The following CDK5 variants were observed in gnomAD, a reference collection of about 807,000 sequenced individuals.
CDK5 encodes cyclin dependent kinase 5.
A neutral mutation model predicts 44.6 loss-of-function variants in CDK5; 18 were observed. That is an observed-to-expected ratio of 0.40 (90% CI 0.28 to 0.60). CDK5 has a LOEUF of 0.60. Among genes scored for constraint, CDK5 ranks in the 20% least tolerant of loss-of-function variants. The pLI is 0.38. For synonymous variants in CDK5, 143 were observed against 152.8 expected, an observed-to-expected ratio of 0.94 and a Z score of 0.47; for missense variants, 198 against 368.1, an observed-to-expected ratio of 0.54 and a Z score of 3.78.
rs776043437 is a variant in CDK5 at position 151,056,890 on chromosome 7, C to T, written c.194+18G>A. On this transcript the variant is annotated intron_variant, in intron 3 of 11. Transcript: ENST00000485972. The surrounding 1 kb of genome is among the most constrained non-coding windows in gnomAD (Gnocchi z 4.7). ...CCCAAGCGGCCACACCGGCAAGGAG[C>T]ACCCGCCTCCCGCACACCTGACGAT... 1.4e-5 allele frequency: 22 copies of T among 1,600,220 alleles called. No homozygotes were observed. The highest frequency in any genetic ancestry group is 1.9e-5 in the Non-Finnish European group (22 of 1,173,734).
chr7:151,057,315 CA>C lies in CDK5; in HGVS notation c.38-156del. On this transcript the variant is annotated intron_variant, in intron 1 of 11. Coordinates refer to ENST00000485972, the MANE Select transcript of CDK5 (RefSeq NM_004935.4). The surrounding 1 kb of genome is among the most constrained non-coding windows in gnomAD (Gnocchi z 5.2). ...GTGAGCTTTGTGAGTGAGGATGTGGCAGGTGGGGAGGGAGGAGAAGGTGCCC... is the reference window on the plus strand; with the variant it reads ...GTGAGCTTTGTGAGTGAGGATGTGGCGGTGGGGAGGGAGGAGAAGGTGCCC... 1 of 704,398 alleles carries C rather than the reference CA, an allele frequency of 1.4e-6. No individual in the cohort carries two copies. The highest frequency in any genetic ancestry group is 2.0e-5 in the Admixed American group (1 of 49,474). The allele number at this position is 704,398 out of a possible 1,614,324, so 43.6% of individuals were successfully genotyped here.
chr7:151,053,937 C>G lies in CDK5; in HGVS notation c.*72G>C. The G allele has an allele frequency of 7.4e-7, 1 of 1,351,458 alleles. No homozygotes were observed. Among genetic ancestry groups the G allele is most frequent in the Non-Finnish European group, 1.0e-6 (1 of 977,022 alleles). The allele number at this position is 1,351,458 out of a possible 1,614,324, so 83.7% of individuals were successfully genotyped here. On this transcript the variant is annotated 3_prime_UTR_variant, in exon 12 of 12. Coordinates refer to ENST00000485972, the MANE Select transcript of CDK5 (RefSeq NM_004935.4). ...TGGAGCACAGCGCACCAGGCACCCC[C>G]ACTGTCTCACCCCTCTCAAGAGGGG...
Position 151,057,246 on chromosome 7 carries a change from C to T in CDK5, c.38-86G>A. On this transcript the variant is annotated intron_variant, in intron 1 of 11. Coordinates refer to ENST00000485972, the MANE Select transcript of CDK5 (RefSeq NM_004935.4). This position sits in a 1 kb window ranked among gnomAD's most constrained non-coding sequence, Gnocchi z 5.2. ...TGCCTCCTGAGAGAGGTGAAGGCAG[C>T]GTCTCAGTATGCAAGGGAAGGGATT... 2 of 1,012,488 alleles carry T rather than the reference C, an allele frequency of 2.0e-6. No homozygotes were observed. Among genetic ancestry groups the T allele is most frequent in the Non-Finnish European group, 3.2e-6 (2 of 631,946 alleles). 62.7% of individuals were successfully genotyped at this position (1,012,488 alleles called of 1,614,324 possible).
At chr7:151,055,454 G>A (rs1796876581) in intron 7 of CDK5, 78 bp downstream of exon 7, 5 of 1,562,436 alleles carry the variant, frequency 3.2e-6, no homozygotes, top group African/African-American at 2.7e-5. Context: ...AGAGAGGAGA[G>A]GAAAATAATG....
chr7:151,054,054 T>C lies in CDK5; in HGVS notation c.834A>G (p.Glu278=). ...KCNPVQRISA[E]EALQHPYFSD... ...AGAAGTAGGGGTGCTGCAGGGCCTC[T>C]TCTGCTGAGATACGCTGGACAGGGT... The change falls in exon 12 of 12, where the codon GAA becomes GAG. Residue 278 remains glutamate (E), a synonymous_variant. Coordinates refer to ENST00000485972, the MANE Select transcript of CDK5 (RefSeq NM_004935.4). This position sits in a 1 kb window ranked among gnomAD's most constrained non-coding sequence, Gnocchi z 5.7. The C allele has an allele frequency of 6.2e-7, 1 of 1,602,674 alleles. No homozygotes were observed. Among genetic ancestry groups the C allele is most frequent in the Non-Finnish European group, 8.5e-7 (1 of 1,174,798 alleles).
Position 151,057,779 on chromosome 7 carries a change from A to T in CDK5, c.37+33T>A, listed in dbSNP as rs1584975802. On this transcript the variant is annotated intron_variant, in intron 1 of 11. Transcript: ENST00000485972. This position sits in a 1 kb window ranked among gnomAD's most constrained non-coding sequence, Gnocchi z 5.2. ...AGGAATGCCGAAGGATCTGCAGAGGAGCTCTTGCAGGAACATCTCGAGATT... is the reference window on the plus strand; with the variant it reads ...AGGAATGCCGAAGGATCTGCAGAGGTGCTCTTGCAGGAACATCTCGAGATT... 1 of 1,599,944 alleles carries T rather than the reference A, an allele frequency of 6.3e-7. No individual in the cohort carries two copies. Among genetic ancestry groups the T allele is most frequent in the East Asian group, 2.2e-5 (1 of 44,578 alleles).
Position 151,054,637 on chromosome 7 carries a change from C to T in CDK5, c.651-172G>A, listed in dbSNP as rs2069458. 5.0e-3 allele frequency among the ~76,000 whole-genome samples: 765 copies of T among 152,280 alleles called. 8 individuals are homozygous for T. The highest frequency in any genetic ancestry group is 0.017 in the African/African-American group (723 of 41,542). ...CAGAAGCAGCCCCAGGCAGGTCACTCGCATATCCAGCCACGTTTCCCATGA... is the reference window on the plus strand; with the variant it reads ...CAGAAGCAGCCCCAGGCAGGTCACTTGCATATCCAGCCACGTTTCCCATGA... On this transcript the variant is annotated intron_variant, in intron 9 of 11. Coordinates refer to ENST00000485972, the MANE Select transcript of CDK5 (RefSeq NM_004935.4). The surrounding 1 kb of genome is among the most constrained non-coding windows in gnomAD (Gnocchi z 5.7).
At position 151,057,030 on chromosome 7, in the gene CDK5, C is replaced by G. The variant is rs1029653154; in HGVS notation, c.126+42G>C. The G allele has an allele frequency of 6.2e-7, 1 of 1,613,524 alleles. No homozygotes were observed. The highest frequency in any genetic ancestry group is 8.5e-7 in the Non-Finnish European group (1 of 1,179,456). ...AGTCAGATCCCACCCAGCCCAGGCCCTCAAACCCCTCCCCAGGCCGTATCC... is the reference window on the plus strand; with the variant it reads ...AGTCAGATCCCACCCAGCCCAGGCCGTCAAACCCCTCCCCAGGCCGTATCC... On this transcript the variant is annotated intron_variant, in intron 2 of 11. Transcript: ENST00000485972. This position sits in a 1 kb window ranked among gnomAD's most constrained non-coding sequence, Gnocchi z 5.2.
Position 151,056,826 on chromosome 7 carries a change from G to A in CDK5, c.195-30C>T. 1 of 1,603,426 alleles carries A rather than the reference G, an allele frequency of 6.2e-7. No individual in the cohort carries two copies. Among genetic ancestry groups the A allele is most frequent in the South Asian group, 1.1e-5 (1 of 89,668 alleles). On this transcript the variant is annotated intron_variant, in intron 3 of 11. Coordinates refer to ENST00000485972, the MANE Select transcript of CDK5 (RefSeq NM_004935.4). This position sits in a 1 kb window ranked among gnomAD's most constrained non-coding sequence, Gnocchi z 4.7. ...GGCAAAAGAAGGGCTCAGCCAGGCAGGTCCGCCTGACAGACGTCCAGTGTC... is the reference window on the plus strand; with the variant it reads ...GGCAAAAGAAGGGCTCAGCCAGGCAAGTCCGCCTGACAGACGTCCAGTGTC...
Position 151,056,761 on chromosome 7 carries a change from G to T in CDK5, c.230C>A (p.Thr77Asn), listed in dbSNP as rs777007468. Residue 77 changes from threonine to asparagine, a missense_variant, in exon 4 of 12, where the codon ACT becomes AAT. By Grantham distance (65) the Thr-to-Asn change is moderately conservative. Coordinates refer to ENST00000485972, the MANE Select transcript of CDK5 (RefSeq NM_004935.4). This position sits in a 1 kb window ranked among gnomAD's most constrained non-coding sequence, Gnocchi z 4.7. The stretch of plus-strand genomic sequence containing the variant: ...CTGGTCACAGAATTCAAAAACCAAA[G>T]TCAGCTTCTTGTCGCTGTGCAGGAC... ...HDVLHSDKKL[T>N]LVFEFCDQDL... is the part of the protein sequence containing the mutation. The T allele has an allele frequency of 6.2e-7, 1 of 1,613,042 alleles. No individual in the cohort carries two copies. Among genetic ancestry groups the T allele is most frequent in the South Asian group, 1.1e-5 (1 of 90,840 alleles).
rs1221669826 is a variant in CDK5, at chr7:151,057,820, A to G, written c.29T>C (p.Ile10Thr). ...TCTCGAGATTCCATTACCTTCCCCAATCTTTTCCAGTTTCTCGTATTTCTG... is the reference window on the plus strand; with the variant it reads ...TCTCGAGATTCCATTACCTTCCCCAGTCTTTTCCAGTTTCTCGTATTTCTG... MQKYEKLEK[I>T]GEGTYGTVFK... is the part of the protein sequence containing the mutation. The change falls in exon 1 of 12, where the codon ATT becomes ACT. Residue 10 changes from isoleucine (I) to threonine (T), a missense_variant. By Grantham distance (89) the Ile-to-Thr change is moderately conservative. This residue lies in a region of CDK5 where 53 missense variants were observed against 122.7 expected (regional missense o/e 0.43). Coordinates refer to ENST00000485972, the MANE Select transcript of CDK5 (RefSeq NM_004935.4). The surrounding 1 kb of genome is among the most constrained non-coding windows in gnomAD (Gnocchi z 5.2). 7 of 1,611,812 alleles carry G rather than the reference A, an allele frequency of 4.3e-6. No individual in the cohort carries two copies. Among genetic ancestry groups the G allele is most frequent in the East Asian group, 2.2e-5 (1 of 44,864 alleles).
At position 151,055,293 on chromosome 7, in the gene CDK5, G is replaced by A. The variant is rs762841652; in HGVS notation, c.564C>T (p.Ala188=). 31 of 1,613,544 alleles carry A rather than the reference G, an allele frequency of 1.9e-5. No individual in the cohort carries two copies. The highest frequency in any genetic ancestry group is 5.0e-5 in the Admixed American group (3 of 60,012). ...GCACATCACCTGCAAAGATGCAGCC[G>A]GCTGACCACATGTCGATGGACGTGG... ...LYSTSIDMWS[A]GCIFAELANA... Residue 188 remains alanine, a synonymous_variant, in exon 8 of 12, where the codon GCC becomes GCT. Transcript: ENST00000485972.
In CDK5 at chr7:151,053,940, T is replaced by G; in HGVS notation, c.*69A>C. The stretch of plus-strand genomic sequence containing the variant: ...AGCACAGCGCACCAGGCACCCCCAC[T>G]GTCTCACCCCTCTCAAGAGGGGGCT... On this transcript the variant is annotated 3_prime_UTR_variant, in exon 12 of 12. Transcript: ENST00000485972. The G allele has an allele frequency of 1.4e-6, 2 of 1,385,280 alleles. No individual in the cohort carries two copies. Among genetic ancestry groups the G allele is most frequent in the Non-Finnish European group, 2.0e-6 (2 of 1,007,044 alleles). 85.8% of individuals were successfully genotyped at this position (1,385,280 alleles called of 1,614,324 possible).
rs2150361991 is a variant in CDK5 at position 151,056,819 on chromosome 7, C to T, written c.195-23G>A. On this transcript the variant is annotated intron_variant, in intron 3 of 11. Transcript: ENST00000485972. This position sits in a 1 kb window ranked among gnomAD's most constrained non-coding sequence, Gnocchi z 4.7. Reference sequence around the variant, plus strand: ...AGCCTAGGGCAAAAGAAGGGCTCAGCCAGGCAGGTCCGCCTGACAGACGTC... The same window carrying T: ...AGCCTAGGGCAAAAGAAGGGCTCAGTCAGGCAGGTCCGCCTGACAGACGTC... The T allele has an allele frequency of 6.2e-7, 1 of 1,604,662 alleles. No individual in the cohort carries two copies. The highest frequency in any genetic ancestry group is 8.5e-7 in the Non-Finnish European group (1 of 1,175,598).
rs1239288293 is a variant in CDK5, at chr7:151,055,392, G to A, written c.484-19C>T. 8.2e-6 allele frequency: 13 copies of A among 1,593,824 alleles called. No individual in the cohort carries two copies. The highest frequency in any genetic ancestry group is 1.3e-5 in the African/African-American group (1 of 74,412). On this transcript the variant is annotated intron_variant, in intron 7 of 11. Transcript: ENST00000485972. ...TGACCACCTGGAGGAGACCCCCCCCGAAAGGGACCTCCCACTTAGAGGACT... is the reference window on the plus strand; with the variant it reads ...TGACCACCTGGAGGAGACCCCCCCCAAAAGGGACCTCCCACTTAGAGGACT...
Position 151,056,640 on chromosome 7 carries a change from A to C in CDK5, c.256-4T>G. 1 of 1,612,248 alleles carries C rather than the reference A, an allele frequency of 6.2e-7. No individual in the cohort carries two copies. The highest frequency in any genetic ancestry group is 8.5e-7 in the Non-Finnish European group (1 of 1,179,066). On this transcript the variant is annotated splice_polypyrimidine_tract_variant and splice_region_variant and intron_variant, in intron 4 of 11. Transcript: ENST00000485972. The surrounding 1 kb of genome is among the most constrained non-coding windows in gnomAD (Gnocchi z 4.7). ...TGTCAAAATACTTCTTCAGGTCCTG[A>C]AAAGGGATATGAGTGGGGGAATGGG...
Position 151,054,333 on chromosome 7 carries a change from G to A in CDK5, c.712-41C>T. The A allele has an allele frequency of 6.2e-7, 1 of 1,611,620 alleles. No homozygotes were observed. The highest frequency in any genetic ancestry group is 8.5e-7 in the Non-Finnish European group (1 of 1,177,862). ...GAGGGTCAGACTAGAGGTAGGGGGA[G>A]GGGGATGGAGGCGCTAGGAATGTGA... On this transcript the variant is annotated intron_variant, in intron 10 of 11. Coordinates refer to ENST00000485972, the MANE Select transcript of CDK5 (RefSeq NM_004935.4). This position sits in a 1 kb window ranked among gnomAD's most constrained non-coding sequence, Gnocchi z 5.7.
chr7:151,055,464 G>A, intron 7 of CDK5, 68 bp downstream of exon 7: 1 of 1,568,542 alleles, frequency 6.4e-7, no homozygotes, highest in Admixed American at 1.7e-5. Context: ...GGAAAATAAT[G>A]TTTTGGGTCC....
At position 151,057,361 on chromosome 7, in the gene CDK5, G is replaced by A. The variant is rs1219322138; in HGVS notation, c.38-201C>T. 1.6e-6 allele frequency: 1 copy of A among 619,048 alleles called. No homozygotes were observed. Among genetic ancestry groups the A allele is most frequent in the Non-Finnish European group, 2.9e-6 (1 of 345,648 alleles). 38.3% of individuals were successfully genotyped at this position (619,048 alleles called of 1,614,324 possible). On this transcript the variant is annotated intron_variant, in intron 1 of 11. Coordinates refer to ENST00000485972, the MANE Select transcript of CDK5 (RefSeq NM_004935.4). The surrounding 1 kb of genome is among the most constrained non-coding windows in gnomAD (Gnocchi z 5.2). ...GTGCCCACCGAGGCTCCAGGGGCTC[G>A]GCAGGAGGGGCGAGTGCGGTTGCCA...
Sources: gnomAD v4.1 joint callset for allele counts (sites outside exome capture counted in the v4.1 genomes callset) on GRCh38, gnomAD v4.1.1 for gene constraint, gnomAD v4.1.1 regional missense constraint, Gnocchi (gnomAD v3.1) non-coding constraint, MANE v1.5 for transcripts, NCBI Gene and HGNC (gene_info 2026-07-23, HGNC 2026-07-21) for gene names.